The following TF variants were observed in gnomAD, a reference collection of about 807,000 sequenced individuals.
The protein encoded by TF is transferrin, also known as serotransferrin.
Under a neutral mutation model 82.4 loss-of-function variants are expected in TF, and 55 were observed. The ratio of observed to expected loss-of-function variants is 0.67; its 90% CI spans 0.54 to 0.84. TF has a LOEUF of 0.84. Ranked by LOEUF, TF falls within the 40% of genes least tolerant of loss-of-function variation. The pLI is 0.00. For missense variants in TF, 737 were observed against 868.4 expected (o/e 0.85, Z 1.90); for synonymous variants, 332 against 332.6 (o/e 1.00, Z 0.02).
chr3:133,671,043 G>C, the TF span, among the ~76,000 whole-genome samples: 1 of 152,240 alleles, frequency 6.6e-6, no homozygotes. Flanking sequence ...GGCACAATTT[G>C]AAGTTCCATG....
the TF span, among the ~76,000 whole-genome samples, chr3:133,691,080 T>C: frequency 7.0e-4 from 107 of 152,290 alleles, 1 homozygote; most frequent in Non-Finnish European, 1.4e-3. Flanking sequence ...AAGGGAGGCA[T>C]ACAGAAACAT....
At chr3:133,764,065 C>G (rs1317281918) in intron 9 of TF, 117 bp from the exon 10 acceptor site, 1 of 841,626 alleles carries the variant, frequency 1.2e-6, no homozygotes, top group African/African-American at 1.7e-5. Flanking sequence ...GTATCAGCAT[C>G]TGCTATCTCC....
chr3:133,730,138 T>C, the TF span, among the ~76,000 whole-genome samples: 4 of 152,120 alleles, frequency 2.6e-5, no homozygotes, highest in Admixed American at 6.5e-5. Flanking sequence ...CTCTTCCAGC[T>C]CATTTAGTTG....
At chr3:133,735,513 A>T in the TF span, among the ~76,000 whole-genome samples, 2 of 152,188 alleles carry the variant, frequency 1.3e-5, no homozygotes, top group Non-Finnish European at 2.9e-5. Flanking sequence ...CCTCCGAGCT[A>T]AAGGAGCATG....
chr3:133,742,492 G>A (rs1933412000), upstream of TF, among the ~76,000 whole-genome samples: 1 of 152,142 alleles, frequency 6.6e-6, no homozygotes, highest in Non-Finnish European at 1.5e-5. Context: ...GAGCGAGTGA[G>A]CAGTGGTGTC....
At chr3:133,703,057 A>T in the TF span, among the ~76,000 whole-genome samples, 5 of 152,214 alleles carry the variant, frequency 3.3e-5, no homozygotes, top group Non-Finnish European at 5.9e-5. Context: ...ATATTCCACC[A>T]AGTATGTTAG....
At chr3:133,740,807 T>G in the TF span, among the ~76,000 whole-genome samples, 255 of 152,160 alleles carry the variant, frequency 1.7e-3, 2 homozygotes, top group Non-Finnish European at 2.3e-3. Flanking sequence ...TTACTTTGAG[T>G]TTCTTAATTT....
At chr3:133,758,167 G>A (rs894192628) in intron 8 of TF, among the ~76,000 whole-genome samples, 1 of 152,224 alleles carries the variant, frequency 6.6e-6, no homozygotes, top group African/African-American at 2.4e-5. Context: ...CATTTAAAAT[G>A]ACGTGGGTTG....
intron 2 of TF, among the ~76,000 whole-genome samples, chr3:133,749,829 T>G (rs1038006986): frequency 5.3e-5 from 8 of 152,124 alleles, no homozygotes; most frequent in African/African-American, 1.7e-4. Flanking sequence ...CTAGGCTCCA[T>G]TCTGATTTGT....
the TF span, among the ~76,000 whole-genome samples, chr3:133,703,660 A>G: frequency 0.75 from 113,510 of 152,054 alleles, 42,853 homozygotes; most frequent in Non-Finnish European, 0.81. Context: ...GAGCATGTAT[A>G]TGCATGTTTT....
At chr3:133,694,220 G>C in the TF span, 1 of 152,934 alleles carries the variant, frequency 6.5e-6, no homozygotes, top group Non-Finnish European at 1.5e-5. Flanking sequence ...GAGCAGCAGC[G>C]GCCAAGTTCT....
chr3:133,698,520 C>CTTCT, the TF span, among the ~76,000 whole-genome samples: 1 of 152,178 alleles, frequency 6.6e-6, no homozygotes, highest in Non-Finnish European at 1.5e-5. Context: ...ACTGTCCTCG[C>CTTCT]TTCTGGTGGT....
chr3:133,671,493 G>A, the TF span, among the ~76,000 whole-genome samples: 22,590 of 151,694 alleles, frequency 0.15, 1,897 homozygotes, highest in Non-Finnish European at 0.2. Context: ...GAAAAAAAAA[G>A]GCAAGAGAGG....
Position 133,793,633 on chromosome 3 carries a change from T to C in TF, c.*15013T>C, listed in dbSNP as rs1024902911. ...ATCATAATTATGATTATTATGTTATTGTAGACCACAGAAATAACCAAATTT... is the reference window on the plus strand; with the variant it reads ...ATCATAATTATGATTATTATGTTATCGTAGACCACAGAAATAACCAAATTT... On this transcript the variant is annotated 3_prime_UTR_variant, in exon 17 of 17. Coordinates refer to ENST00000402696, the MANE Select transcript of TF (RefSeq NM_001063.4). The C allele has an allele frequency of 1.3e-5, 2 of 152,208 alleles. No individual in the cohort carries two copies. The highest frequency in any genetic ancestry group is 4.8e-5 in the African/African-American group (2 of 41,470). The allele number at this position is 152,208 out of a possible 1,614,324, so 9.4% of individuals were successfully genotyped here.
the TF span, among the ~76,000 whole-genome samples, chr3:133,670,286 G>A: frequency 6.6e-6 from 1 of 152,234 alleles, no homozygotes; most frequent in Admixed American, 6.5e-5. Context: ...GAAGCACTTA[G>A]TACAATGCCT....
chr3:133,685,755 G>T, the TF span, among the ~76,000 whole-genome samples: 1 of 152,102 alleles, frequency 6.6e-6, no homozygotes, highest in Non-Finnish European at 1.5e-5. Context: ...AATCAATTTC[G>T]TGAAAATGGC....
chr3:133,680,188 T>C, the TF span, among the ~76,000 whole-genome samples: 1 of 152,048 alleles, frequency 6.6e-6, no homozygotes, highest in African/African-American at 2.4e-5. Context: ...TACTCACACT[T>C]TTTTTTCTTT....
chr3:133,704,437 G>A, the TF span: 1 of 158,728 alleles, frequency 6.3e-6, no homozygotes, highest in Non-Finnish European at 1.4e-5. Context: ...TGGAATGTAT[G>A]GAGCTAGTAG....
At chr3:133,730,146 T>G in the TF span, among the ~76,000 whole-genome samples, 2 of 152,286 alleles carry the variant, frequency 1.3e-5, no homozygotes, top group East Asian at 3.9e-4. Flanking sequence ...GCTCATTTAG[T>G]TGCCAGAGCT....
Sources: gnomAD v4.1 joint callset for allele counts (sites outside exome capture counted in the v4.1 genomes callset) on GRCh38, gnomAD v4.1.1 for gene constraint, MANE v1.5 for transcripts, NCBI Gene and HGNC (gene_info 2026-07-23, HGNC 2026-07-21) for gene names.